Variants in MCTP1 observed in about 807,000 individuals in gnomAD.
MCTP1 encodes the protein multiple C2 and transmembrane domain-containing protein 1.
In MCTP1, 69 loss-of-function variants were observed where a neutral mutation model predicts 120.6. That is an observed-to-expected ratio of 0.57 (90% CI 0.47 to 0.70). The LOEUF (loss-of-function observed/expected upper bound fraction) is 0.70. Among genes scored for constraint, MCTP1 ranks in the 30% least tolerant of loss-of-function variants. MCTP1 has a pLI of 0.00. For missense variants in MCTP1, 1,203 were observed against 1,248.8 expected (o/e 0.96, Z 0.55); for synonymous variants, 529 against 493.1 (o/e 1.07, Z -0.96).
chr5:95,173,497 T>C, intron 1 of MCTP1, among the ~76,000 whole-genome samples: 1 of 152,182 alleles, frequency 6.6e-6, no homozygotes, highest in East Asian at 1.9e-4. Context: ...ATCTAGCTCC[T>C]CAGTGTTTAT....
chr5:95,206,192 A>G (rs148631421), intron 1 of MCTP1, among the ~76,000 whole-genome samples: 1,593 of 152,344 alleles, frequency 0.01, 13 homozygotes, highest in Middle Eastern at 0.031. Context: ...ATTTGGCAAT[A>G]AAAATTAATG....
At chr5:94,923,755 G>A (rs571309046) in intron 7 of MCTP1, among the ~76,000 whole-genome samples, 2 of 152,220 alleles carry the variant, frequency 1.3e-5, no homozygotes, top group African/African-American at 2.4e-5. Context: ...AAAGAAATAT[G>A]TTCAATTTAT....
intron 17 of MCTP1, among the ~76,000 whole-genome samples, chr5:94,833,749 A>C (rs1315681603): frequency 2.0e-5 from 3 of 152,210 alleles, no homozygotes; most frequent in Admixed American, 2.0e-4. Flanking sequence ...TCAAGTGCCA[A>C]AATAAAGGTT....
intron 17 of MCTP1, among the ~76,000 whole-genome samples, chr5:94,821,774 A>C (rs1785708495): frequency 6.6e-6 from 1 of 152,176 alleles, no homozygotes; most frequent in Admixed American, 6.5e-5. Context: ...CAGGTACATA[A>C]AAAAATTGGC....
chr5:95,258,023 T>C (rs528833918), intron 1 of MCTP1, among the ~76,000 whole-genome samples: 3 of 152,324 alleles, frequency 2.0e-5, no homozygotes, highest in African/African-American at 7.2e-5. Context: ...GACAACTCTG[T>C]GCTGAATTCC....
intron 6 of MCTP1, chr5:94,931,667 G>A (rs922856513): frequency 1.2e-5 from 4 of 330,122 alleles, no homozygotes; most frequent in Admixed American, 9.9e-5. Context: ...TTTTATTCCT[G>A]GCTCAGAGCA....
At chr5:95,030,897 G>T (rs187685357) in intron 1 of MCTP1, among the ~76,000 whole-genome samples, 33 of 151,664 alleles carry the variant, frequency 2.2e-4, no homozygotes, top group African/African-American at 8.0e-4. Context: ...ATAGAAAGCA[G>T]ATATCCAACA....
intron 17 of MCTP1, among the ~76,000 whole-genome samples, chr5:94,848,558 A>G (rs1169829681): frequency 3.3e-5 from 5 of 152,148 alleles, no homozygotes. Flanking sequence ...TAACTTTCAC[A>G]GGTATTATAA....
chr5:94,832,245 C>CG, intron 17 of MCTP1, among the ~76,000 whole-genome samples: 1 of 94,364 alleles, frequency 1.1e-5, no homozygotes, highest in Middle Eastern at 4.3e-3. Context: ...TTGCATAAGC[C>CG]ATTGTTCTAA....
chr5:94,936,427 A>T (rs1816216455), intron 5 of MCTP1, among the ~76,000 whole-genome samples: 1 of 152,046 alleles, frequency 6.6e-6, no homozygotes, highest in Admixed American at 6.6e-5. Flanking sequence ...TGAACTGAGA[A>T]GGAGTTTGTA....
chr5:95,207,871 G>C (rs961838806), intron 1 of MCTP1, among the ~76,000 whole-genome samples: 1 of 149,350 alleles, frequency 6.7e-6, no homozygotes, highest in African/African-American at 2.5e-5. Context: ...GGGACAGAAA[G>C]CACAACTGCA....
intron 1 of MCTP1, among the ~76,000 whole-genome samples, chr5:95,240,416 T>A (rs892157760): frequency 6.6e-6 from 1 of 152,190 alleles, no homozygotes; most frequent in Non-Finnish European, 1.5e-5. Context: ...AGAAACAAAG[T>A]GAAGGTGGGC....
intron 1 of MCTP1, among the ~76,000 whole-genome samples, chr5:95,205,785 G>T (rs1751554417): frequency 1.3e-5 from 2 of 151,994 alleles, no homozygotes; most frequent in Non-Finnish European, 1.5e-5. Flanking sequence ...ATGAAAAGAA[G>T]ATCAACATCA....
chr5:94,716,470 T>C (rs144857321), intron 19 of MCTP1, among the ~76,000 whole-genome samples: 1 of 152,180 alleles, frequency 6.6e-6, no homozygotes, highest in Non-Finnish European at 1.5e-5. Context: ...GGCTTTTTCC[T>C]GTTCCTTTCA....
At chr5:95,268,483 TATAAAG>T (rs200939480) in intron 1 of MCTP1, among the ~76,000 whole-genome samples, 1,696 of 152,294 alleles carry the variant, frequency 0.011, 14 homozygotes, top group Middle Eastern at 0.034. Context: ...TGGGAGTAAT[TATAAAG>T]ATAAAGTTAT....
At chr5:94,791,500 T>TACACACACACACACACAC (rs1215532713) in intron 18 of MCTP1, among the ~76,000 whole-genome samples, 3,195 of 149,140 alleles carry the variant, frequency 0.021, 40 homozygotes, top group African/African-American at 0.026. Context: ...GTTTCTAAAA[T>TACACACACACACACACAC]ACACACACAC....
chr5:94,819,093 T>C (rs1453741810), intron 17 of MCTP1, among the ~76,000 whole-genome samples: 5 of 121,054 alleles, frequency 4.1e-5, no homozygotes, highest in African/African-American at 1.4e-4. Context: ...ATTTATTTAT[T>C]TATTTATTTA....
intron 1 of MCTP1, among the ~76,000 whole-genome samples, chr5:95,064,597 G>T (rs990249858): frequency 1.3e-5 from 2 of 152,156 alleles, no homozygotes; most frequent in Admixed American, 1.3e-4. Context: ...ATAGTATTTT[G>T]GATGAGTTCT....
intron 17 of MCTP1, among the ~76,000 whole-genome samples, chr5:94,852,271 GAATT>G (rs909431625): frequency 3.0e-4 from 46 of 152,002 alleles, no homozygotes; most frequent in African/African-American, 1.1e-3. Flanking sequence ...ACTGTGAACA[GAATT>G]AGTGAAAATG....
Sources: allele counts gnomAD v4.1 joint callset (sites outside exome capture counted in the v4.1 genomes callset), GRCh38; gene constraint gnomAD v4.1.1; transcripts MANE v1.5; gene names NCBI Gene and HGNC (gene_info 2026-07-23, HGNC 2026-07-21).